Variants in EPHX1 observed in about 807,000 individuals in gnomAD.
EPHX1 encodes the protein epoxide hydrolase 1.
Under a neutral mutation model 43.2 loss-of-function variants are expected in EPHX1, and 40 were observed. The ratio of observed to expected loss-of-function variants is 0.93; its 90% CI spans 0.72 to 1.21. The LOEUF (loss-of-function observed/expected upper bound fraction) is 1.21. Ranked by LOEUF, EPHX1 falls within the 50% of genes most tolerant of loss-of-function variation. The pLI is 0.00. For synonymous variants in EPHX1, 221 were observed against 226.7 expected, an observed-to-expected ratio of 0.98 and a Z score of 0.22; for missense variants, 550 against 570.4, an observed-to-expected ratio of 0.96 and a Z score of 0.36.
chr1:225,815,989 C>CT (rs1666707299), intron 1 of EPHX1, among the ~76,000 whole-genome samples: 2 of 152,230 alleles, frequency 1.3e-5, no homozygotes, highest in Admixed American at 6.5e-5. Context: ...TCTCTCCACT[C>CT]AAGTAGAGAA....
chr1:225,840,914 G>C (rs1196949640), intron 6 of EPHX1: 1 of 152,168 alleles, frequency 6.6e-6, no homozygotes, highest in East Asian at 1.9e-4. Flanking sequence ...ATAAAAGTCA[G>C]CATTTTTCTC....
At chr1:225,813,174 C>T (rs887912596) in intron 1 of EPHX1, among the ~76,000 whole-genome samples, 2 of 152,230 alleles carry the variant, frequency 1.3e-5, no homozygotes, top group African/African-American at 4.8e-5. Context: ...TCAGTGGGCC[C>T]TGTAGCCTCT....
At chr1:225,845,097 G>C (rs768826162) in intron 8 of EPHX1, 49 bp from the exon 9 acceptor site, 3 of 1,602,752 alleles carry the variant, frequency 1.9e-6, no homozygotes, top group Non-Finnish European at 2.6e-6. Context: ...GCAGGACGGA[G>C]GGGCGCAGGG....
intron 1 of EPHX1, among the ~76,000 whole-genome samples, chr1:225,813,162 A>T (rs1300327798): frequency 1.3e-5 from 2 of 152,148 alleles, no homozygotes; most frequent in African/African-American, 2.4e-5. Context: ...TTTTGAAGGG[A>T]CTCAGTGGGC....
intron 2 of EPHX1, among the ~76,000 whole-genome samples, chr1:225,829,932 G>A (rs572129392): frequency 3.9e-5 from 6 of 152,122 alleles, no homozygotes; most frequent in Non-Finnish European, 7.4e-5. Context: ...AAAATTAGCC[G>A]GGCATAGTGG....
Position 225,838,899 on chromosome 1 carries a change from G to T in EPHX1, c.592+18G>T. The stretch of plus-strand genomic sequence containing the variant: ...CAAGAAGGGTACGGGGCTGCTAGAG[G>T]TTCCATAACTGCCCCGTCCTCGCCA... On this transcript the variant is annotated intron_variant, in intron 4 of 8. Coordinates refer to ENST00000272167, the MANE Select transcript of EPHX1 (RefSeq NM_001136018.4). The T allele has an allele frequency of 6.2e-7, 1 of 1,610,642 alleles. No individual in the cohort carries two copies. Among genetic ancestry groups the T allele is most frequent in the Non-Finnish European group, 8.5e-7 (1 of 1,176,852 alleles).
At chr1:225,838,905 T>G in intron 4 of EPHX1, 24 bp downstream of exon 4, 1 of 1,609,598 alleles carries the variant, frequency 6.2e-7, no homozygotes, top group Non-Finnish European at 8.5e-7. Flanking sequence ...AGAGGTTCCA[T>G]AACTGCCCCG....
At chr1:225,828,116 C>A (rs1284850121) in intron 1 of EPHX1, among the ~76,000 whole-genome samples, 1 of 152,104 alleles carries the variant, frequency 6.6e-6, no homozygotes, top group Non-Finnish European at 1.5e-5. Flanking sequence ...GAGGCCGAGG[C>A]GGGCGGATCA....
intron 1 of EPHX1, among the ~76,000 whole-genome samples, chr1:225,811,465 AT>A (rs1188458693): frequency 6.6e-6 from 1 of 152,144 alleles, no homozygotes; most frequent in East Asian, 1.9e-4. Flanking sequence ...AGGGGGACCC[AT>A]GCACTTGGCA....
chr1:225,816,345 TAA>T (rs148728123), intron 1 of EPHX1, among the ~76,000 whole-genome samples: 1 of 151,756 alleles, frequency 6.6e-6, no homozygotes, highest in Admixed American at 6.5e-5. Flanking sequence ...TTTAAAAGAT[TAA>T]AAAAAGAGAA....
intron 1 of EPHX1, among the ~76,000 whole-genome samples, chr1:225,827,917 C>CT (rs144793415): frequency 2.4e-5 from 1 of 41,946 alleles, no homozygotes; most frequent in Non-Finnish European, 4.4e-5. Context: ...CCCCATTACC[C>CT]CGTCTGCCCT....
chr1:225,840,626 T>C (rs1668318410), intron 6 of EPHX1, among the ~76,000 whole-genome samples: 1 of 152,222 alleles, frequency 6.6e-6, no homozygotes, highest in Admixed American at 6.5e-5. Context: ...ATCAATTAAA[T>C]CTCCATGGGA....
At chr1:225,824,806 C>T (rs1416289622) in intron 1 of EPHX1, among the ~76,000 whole-genome samples, 3 of 152,166 alleles carry the variant, frequency 2.0e-5, no homozygotes, top group South Asian at 2.1e-4. Context: ...GAGCGCAAGG[C>T]GGCAGCGGGG....
rs1329738137 is a variant in EPHX1 at position 225,845,470 on chromosome 1, C to T, written c.*123C>T. The T allele has an allele frequency of 5.1e-6, 5 of 981,200 alleles. No individual in the cohort carries two copies. Among genetic ancestry groups the T allele is most frequent in the South Asian group, 3.1e-5 (2 of 64,540 alleles). 60.8% of individuals were successfully genotyped at this position (981,200 alleles called of 1,614,324 possible). ...GTCCCCTGCCCATGCTGGGAGCCCA[C>T]GCTCACCCCCTCACCCCTCCAAGCT... On this transcript the variant is annotated 3_prime_UTR_variant, in exon 9 of 9. Transcript: ENST00000272167.
intron 1 of EPHX1, among the ~76,000 whole-genome samples, chr1:225,820,263 A>T (rs1172705458): frequency 6.6e-6 from 1 of 151,856 alleles, no homozygotes; most frequent in Non-Finnish European, 1.5e-5. Context: ...TAATTTTTGT[A>T]TTTTTAGTAG....
chr1:225,845,206 T>TGAAAAGTGGGTGAG lies in EPHX1; in HGVS notation c.1229_1242dup (p.Phe415LysfsTer4). ...TCCCTTTTGAGCTATTGCACACGCC[T>TGAAAAGTGGGTGAG]GAAAAGTGGGTGAGGTTCAAGTACC... On this transcript the variant is annotated frameshift_variant, in exon 9 of 9. Transcript: ENST00000272167. LOFTEE classifies it high-confidence loss of function. 6.2e-7 allele frequency: 1 copy of TGAAAAGTGGGTGAG among 1,614,182 alleles called. No individual in the cohort carries two copies. The highest frequency in any genetic ancestry group is 8.5e-7 in the Non-Finnish European group (1 of 1,180,032).
Position 225,834,337 on chromosome 1 carries a change from G to T in EPHX1, c.364+2378G>T, listed in dbSNP as rs559846138. On this transcript the variant is annotated intron_variant, in intron 3 of 8. Coordinates refer to ENST00000272167, the MANE Select transcript of EPHX1 (RefSeq NM_001136018.4). ...AAAGAATTGCTTGAACCAGGGAGGCGGAGGTTGCAGTGAGCCGAGATCGCG... is the reference window on the plus strand; with the variant it reads ...AAAGAATTGCTTGAACCAGGGAGGCTGAGGTTGCAGTGAGCCGAGATCGCG... Among the ~76,000 whole-genome samples, 9 of 151,960 alleles carry T rather than the reference G, an allele frequency of 5.9e-5. No individual in the cohort carries two copies. In the East Asian group the frequency reaches 1.7e-3, roughly 30 times the overall value.
At chr1:225,832,157 C>A in intron 3 of EPHX1, 198 bp downstream of exon 3, 1 of 641,758 alleles carries the variant, frequency 1.6e-6, no homozygotes, top group Non-Finnish European at 2.8e-6. Context: ...TAGAGCTAGG[C>A]AGGAACACAT....
At chr1:225,831,307 G>A (rs1667576024) in intron 2 of EPHX1, among the ~76,000 whole-genome samples, 1 of 152,172 alleles carries the variant, frequency 6.6e-6, no homozygotes, top group Non-Finnish European at 1.5e-5. Context: ...CCACCACTTT[G>A]GGAGGCCAAG....
Sources: allele counts gnomAD v4.1 joint callset (sites outside exome capture counted in the v4.1 genomes callset), GRCh38; gene constraint gnomAD v4.1.1; transcripts MANE v1.5; gene names NCBI Gene and HGNC (gene_info 2026-07-23, HGNC 2026-07-21).